SPSB4: variants seen among roughly 807,000 people sequenced by gnomAD.
SPSB4 encodes splA/ryanodine receptor domain and SOCS box containing 4.
SPSB4 carries 21 observed loss-of-function variants against 20.9 expected under a neutral mutation model. The ratio of observed to expected loss-of-function variants is 1.01; its 90% confidence interval spans 0.71 to 1.45. SPSB4 has a LOEUF of 1.45. Ranked by LOEUF, SPSB4 falls within the 40% of genes most tolerant of loss-of-function variation. SPSB4 has a pLI of 0.00. For missense variants in SPSB4, 399 were observed against 399.2 expected (o/e 1.00, Z 0.00); for synonymous variants, 207 against 183.8 (o/e 1.13, Z -1.02).
chr3:141,090,083 C>T (rs1273230663), intron 2 of SPSB4, among the ~76,000 whole-genome samples: 1 of 151,924 alleles, frequency 6.6e-6, no homozygotes, highest in African/African-American at 2.4e-5. Context: ...TTTCTCATCC[C>T]CTCTTCTCTC....
At chr3:141,110,144 C>T (rs985580885) in intron 2 of SPSB4, among the ~76,000 whole-genome samples, 1 of 152,168 alleles carries the variant, frequency 6.6e-6, no homozygotes, top group South Asian at 2.1e-4. Flanking sequence ...CTTTCAGGAA[C>T]CCAGAGGCCT....
rs542290436 is a variant in SPSB4 at position 141,090,909 on chromosome 3, T to C, written c.694+24111T>C. ...TGGCTCGGGATGGCAGCAGTGAAGA[T>C]GGTGAGAAGTAGTTGGATGCTGGAT... On this transcript the variant is annotated intron_variant, in intron 2 of 2. Coordinates refer to ENST00000310546, the MANE Select transcript of SPSB4 (RefSeq NM_080862.3). 3.9e-5 allele frequency among the ~76,000 whole-genome samples: 6 copies of C among 152,226 alleles called. No individual in the cohort carries two copies. The South Asian group carries it at 6.2e-4, about 16-fold the overall frequency.
intron 1 of SPSB4, among the ~76,000 whole-genome samples, chr3:141,064,463 G>T (rs1488976916): frequency 6.6e-6 from 1 of 152,152 alleles, no homozygotes; most frequent in African/African-American, 2.4e-5. Context: ...CTCGGAATAG[G>T]GTCAACATCT....
At chr3:141,073,513 TC>T (rs1190307566) in intron 2 of SPSB4, among the ~76,000 whole-genome samples, 1 of 152,236 alleles carries the variant, frequency 6.6e-6, no homozygotes, top group Non-Finnish European at 1.5e-5. Context: ...GCCCTTTACT[TC>T]ACAGAATAAG....
At chr3:141,105,012 G>A (rs1938666753) in intron 2 of SPSB4, among the ~76,000 whole-genome samples, 1 of 152,168 alleles carries the variant, frequency 6.6e-6, no homozygotes, top group Admixed American at 6.5e-5. Context: ...AGAGAATGAG[G>A]CCCTGAGTCT....
intron 2 of SPSB4, among the ~76,000 whole-genome samples, chr3:141,091,101 T>G (rs550657355): frequency 6.6e-6 from 1 of 152,284 alleles, no homozygotes; most frequent in African/African-American, 2.4e-5. Context: ...GATTTGGACA[T>G]GCTATGGTTG....
intron 2 of SPSB4, among the ~76,000 whole-genome samples, chr3:141,105,835 T>A (rs892361358): frequency 1.3e-5 from 2 of 152,240 alleles, no homozygotes; most frequent in African/African-American, 4.8e-5. Context: ...TTTAAAAAAA[T>A]TTCTTTTCCA....
chr3:141,066,000 T>C lies in SPSB4; in HGVS notation c.-105T>C. 1 of 1,085,788 alleles carries C rather than the reference T, an allele frequency of 9.2e-7. No individual in the cohort carries two copies. Among genetic ancestry groups the C allele is most frequent in the Non-Finnish European group, 1.2e-6 (1 of 801,890 alleles). The allele number at this position is 1,085,788 out of a possible 1,614,324, so 67.3% of individuals were successfully genotyped here. A position where few individuals can be genotyped will look rare whatever the true frequency, so the allele number is the denominator to read the frequency against. ...CGGTAGAGGCTGTGGAGGTCTACCG[T>C]CCGGAAGCCTGGTTCCCAGCCCCGT... On this transcript the variant is annotated 5_prime_UTR_variant, in exon 2 of 3. Transcript: ENST00000310546.
At chr3:141,091,880 TCAGA>T (rs1350203706) in intron 2 of SPSB4, among the ~76,000 whole-genome samples, 3 of 152,200 alleles carry the variant, frequency 2.0e-5, no homozygotes, top group Non-Finnish European at 1.5e-5. Context: ...CTTCCTTTTG[TCAGA>T]CAGTTTCCTT....
intron 2 of SPSB4, among the ~76,000 whole-genome samples, chr3:141,119,065 A>G (rs1281907268): frequency 6.6e-6 from 1 of 152,204 alleles, no homozygotes; most frequent in Non-Finnish European, 1.5e-5. Flanking sequence ...CATTGAATCT[A>G]TAAATTACCT....
At chr3:141,108,365 T>C (rs984127377) in intron 2 of SPSB4, among the ~76,000 whole-genome samples, 1 of 152,222 alleles carries the variant, frequency 6.6e-6, no homozygotes, top group African/African-American at 2.4e-5. Flanking sequence ...CTGAGATCAC[T>C]TCTTGCTGCA....
intron 2 of SPSB4, among the ~76,000 whole-genome samples, chr3:141,136,478 A>C (rs1939230147): frequency 6.6e-6 from 1 of 152,196 alleles, no homozygotes; most frequent in African/African-American, 2.4e-5. Context: ...TTTAGGTCTA[A>C]CATGTAAGTC....
intron 2 of SPSB4, among the ~76,000 whole-genome samples, chr3:141,133,937 G>T (rs758510261): frequency 6.7e-6 from 1 of 148,826 alleles, no homozygotes; most frequent in Non-Finnish European, 1.5e-5. Context: ...TGTCATCTAT[G>T]AATTCTTTCA....
At chr3:141,073,374 AT>A (rs1344195330) in intron 2 of SPSB4, among the ~76,000 whole-genome samples, 4 of 152,112 alleles carry the variant, frequency 2.6e-5, no homozygotes, top group Admixed American at 6.5e-5. Flanking sequence ...AATCACGTTA[AT>A]TTTTTCTCTT....
At chr3:141,091,164 T>C (rs1228797885) in intron 2 of SPSB4, among the ~76,000 whole-genome samples, 1 of 152,148 alleles carries the variant, frequency 6.6e-6, no homozygotes, top group African/African-American at 2.4e-5. Context: ...AGGTCAAGCA[T>C]ACAGATTTTT....
chr3:141,091,304 G>A (rs6791826), intron 2 of SPSB4, among the ~76,000 whole-genome samples: 70,535 of 152,064 alleles, frequency 0.46, 17,157 homozygotes, highest in African/African-American at 0.62. Context: ...CTTCTGTAAA[G>A]TAGGGATAAA....
At position 141,066,198 on chromosome 3, in the gene SPSB4, G is replaced by T; in HGVS notation, c.94G>T (p.Gly32Trp). 2 of 1,531,314 alleles carry T rather than the reference G, an allele frequency of 1.3e-6. No homozygotes were observed. The highest frequency in any genetic ancestry group is 5.1e-5 in the East Asian group (2 of 39,492). The allele number at this position is 1,531,314 out of a possible 1,614,324, so 94.9% of individuals were successfully genotyped here. Residue 32 changes from glycine to tryptophan, a missense_variant, in exon 2 of 3, where the codon GGG (glycine) becomes TGG (tryptophan). Physicochemically the swap from Gly to Trp is radical, Grantham distance 184 (BLOSUM62 -2). Transcript: ENST00000310546. ...AKRELRGAEPGRPARLDQLLD... is the reference protein window; with the variant it reads ...AKRELRGAEPWRPARLDQLLD... ...GCGGGAGCTGCGGGGTGCAGAGCCC[G>T]GGCGGCCGGCGCGGCTGGACCAGCT...
rs546902688 is a variant in SPSB4, at chr3:141,072,898, G to A, written c.694+6100G>A. ...TGACAGATAATTTTTAGATCATACT[G>A]AAAACATTCCCCTGTATCTTGTTTT... On this transcript the variant is annotated intron_variant, in intron 2 of 2. Transcript: ENST00000310546. Among the ~76,000 whole-genome samples, 4 of 152,218 alleles carry A rather than the reference G, an allele frequency of 2.6e-5. No individual in the cohort carries two copies. The East Asian group carries it at 7.7e-4, about 29-fold the overall frequency.
At chr3:141,072,778 G>A (rs1033475740) in intron 2 of SPSB4, among the ~76,000 whole-genome samples, 4 of 152,196 alleles carry the variant, frequency 2.6e-5, no homozygotes, top group African/African-American at 9.6e-5. Flanking sequence ...ACCAAAGGGC[G>A]TATGGTGAAA....
Sources: allele counts gnomAD v4.1 joint callset (sites outside exome capture counted in the v4.1 genomes callset), GRCh38; gene constraint gnomAD v4.1.1; transcripts MANE v1.5; gene names NCBI Gene and HGNC (gene_info 2026-07-23, HGNC 2026-07-21).